The following DNAH3 variants were observed in gnomAD, a reference collection of about 807,000 sequenced individuals.
The protein encoded by DNAH3 is axonemal beta dynein heavy chain 3.
DNAH3 carries 332 observed loss-of-function variants against 432.5 expected under a neutral mutation model. The ratio of observed to expected loss-of-function variants is 0.77; its 90% CI spans 0.70 to 0.84. The LOEUF (loss-of-function observed/expected upper bound fraction) is 0.84, where lower values mean the gene tolerates loss of function less well. DNAH3 is among the 40% of genes least tolerant of loss of function. The pLI, the probability that DNAH3 is intolerant of heterozygous loss-of-function variation, is 0.00. For missense variants in DNAH3, 4,861 were observed against 5,114.0 expected (o/e 0.95, Z 1.51); for synonymous variants, 1,956 against 1,900.2 (o/e 1.03, Z -0.76).
At chr16:20,995,635 CTCTT>C (rs1275471882) in intron 44 of DNAH3, among the ~76,000 whole-genome samples, 1 of 152,112 alleles carries the variant, frequency 6.6e-6, no homozygotes, top group African/African-American at 2.4e-5. Context: ...TTCCCTCTCT[CTCTT>C]TTATTTGGAC....
At chr16:21,111,689 G>C (rs773271056) in exon 14 of DNAH3, 6 of 1,613,878 alleles carry the variant, frequency 3.7e-6, no homozygotes, top group Non-Finnish European at 5.1e-6. Context: ...AAGATTTTGA[G>C]CTCGCTCACA....
intron 31 of DNAH3, 21 bp downstream of exon 31, chr16:21,049,548 G>C (rs750052949): frequency 2.2e-5 from 35 of 1,603,602 alleles, no homozygotes; most frequent in Non-Finnish European, 2.9e-5. Context: ...TCTTTGTTCT[G>C]CAGCCTAGAG....
intron 15 of DNAH3, among the ~76,000 whole-genome samples, chr16:21,106,176 CT>C (rs1242874729): frequency 1.2e-4 from 12 of 99,584 alleles, no homozygotes; most frequent in East Asian, 9.3e-4. Flanking sequence ...GAGACTCCAT[CT>C]AAAAAAAAAA....
chr16:20,979,222 C>T, intron 50 of DNAH3, 108 bp downstream of exon 50: 1 of 958,298 alleles, frequency 1.0e-6, no homozygotes, highest in South Asian at 1.5e-5. Flanking sequence ...TGCAGGGTCA[C>T]ATTCTGCTTG....
chr16:21,035,937 T>C (rs992655802), intron 35 of DNAH3, among the ~76,000 whole-genome samples: 4 of 152,080 alleles, frequency 2.6e-5, no homozygotes, highest in African/African-American at 9.7e-5. Flanking sequence ...ACGGAGATGG[T>C]GGAGTTGATA....
At chr16:21,135,191 G>A (rs574781865) in intron 6 of DNAH3, among the ~76,000 whole-genome samples, 1 of 152,220 alleles carries the variant, frequency 6.6e-6, no homozygotes, top group African/African-American at 2.4e-5. Flanking sequence ...TCTAGTATCA[G>A]GCAGGACAAT....
intron 24 of DNAH3, among the ~76,000 whole-genome samples, chr16:21,066,022 T>G (rs960715837): frequency 3.9e-5 from 6 of 152,088 alleles, no homozygotes; most frequent in African/African-American, 1.4e-4. Context: ...AGGCGGGGTT[T>G]CAACATGTTG....
At chr16:20,947,888 G>A (rs2084122508) in intron 57 of DNAH3, among the ~76,000 whole-genome samples, 1 of 152,062 alleles carries the variant, frequency 6.6e-6, no homozygotes, top group African/African-American at 2.4e-5. Flanking sequence ...CAATTCCCCT[G>A]CCTCAGCCTC....
chr16:21,086,806 C>G (rs2091388900), intron 19 of DNAH3, 43 bp downstream of exon 19: 3 of 1,569,592 alleles, frequency 1.9e-6, no homozygotes, highest in Admixed American at 3.3e-5. Flanking sequence ...CAGGGCCAGG[C>G]CTGGGCTGCG....
chr16:20,937,704 T>A (rs1275843795), intron 59 of DNAH3, among the ~76,000 whole-genome samples: 1 of 151,806 alleles, frequency 6.6e-6, no homozygotes, highest in Non-Finnish European at 1.5e-5. Flanking sequence ...GATTTTTTTT[T>A]AAGTAGAGAC....
rs34186982 is a variant in DNAH3 at position 21,075,914 on chromosome 16, C to CAAAAAA, written c.2970-359_2970-354dup. ...CTGGAAAACAGAGTAAACCCTGTCT[C>CAAAAAA]AAAAAAAAAAAAAAAAAAAAAAAAA... is the stretch of plus-strand genomic sequence containing the variant. On this transcript the variant is annotated intron_variant, in intron 20 of 61. Transcript: ENST00000261383. Among the ~76,000 whole-genome samples, 224 of 52,682 alleles carry CAAAAAA rather than the reference C, an allele frequency of 4.3e-3. 10 individuals are homozygous for CAAAAAA. Among genetic ancestry groups the CAAAAAA allele is most frequent in the African/African-American group, 0.018 (219 of 12,290 alleles). 34.6% of individuals were successfully genotyped at this position (52,682 alleles called of 152,430 possible).
chr16:21,052,692 T>C (rs1019512241), intron 28 of DNAH3, among the ~76,000 whole-genome samples: 9 of 152,222 alleles, frequency 5.9e-5, no homozygotes, highest in African/African-American at 1.9e-4. Flanking sequence ...GAAAATGTTA[T>C]ACAGGTATTA....
rs372421050 is a variant in DNAH3, at chr16:20,935,488, G to A, written c.11860-3C>T. The A allele has an allele frequency of 3.5e-4, 561 of 1,609,336 alleles. 1 individual carries two copies. Among genetic ancestry groups the A allele is most frequent in the Admixed American group, 2.8e-3 (161 of 58,384 alleles). ...GGGGGCCCCTTGTCAATCCATTCCT[G>A]GAGAGCCACAGAAATCAAGATTCAA... On this transcript the variant is annotated splice_region_variant and splice_polypyrimidine_tract_variant and intron_variant, in intron 60 of 61. Coordinates refer to ENST00000261383, the Ensembl canonical transcript of DNAH3.
exon 20 of DNAH3, chr16:21,081,677 G>T: frequency 6.2e-7 from 1 of 1,613,914 alleles, no homozygotes. Flanking sequence ...GCATATTTGA[G>T]AGGCAGGTCG....
chr16:21,002,913 G>A (rs998386062), intron 42 of DNAH3, among the ~76,000 whole-genome samples, 191 bp downstream of exon 42: 1 of 152,162 alleles, frequency 6.6e-6, no homozygotes, highest in Non-Finnish European at 1.5e-5. Context: ...GTAAATTGAA[G>A]CTGAGAAAGG....
chr16:21,083,523 T>A (rs528745497), intron 19 of DNAH3, among the ~76,000 whole-genome samples: 1 of 152,356 alleles, frequency 6.6e-6, no homozygotes, highest in African/African-American at 2.4e-5. Context: ...GTGGCTTCCA[T>A]TTCGTTTGAA....
chr16:21,004,631 G>T (rs2087189453), intron 41 of DNAH3, among the ~76,000 whole-genome samples: 1 of 152,132 alleles, frequency 6.6e-6, no homozygotes, highest in African/African-American at 2.4e-5. Context: ...GCCTCCCGAA[G>T]TGCTAGGATT....
intron 41 of DNAH3, among the ~76,000 whole-genome samples, chr16:21,006,632 G>A (rs2087316845): frequency 6.6e-6 from 1 of 152,084 alleles, no homozygotes; most frequent in Non-Finnish European, 1.5e-5. Context: ...TATATAAAGG[G>A]AATCATATAA....
At chr16:20,997,290 G>A in exon 44 of DNAH3, 9 of 1,613,868 alleles carry the variant, frequency 5.6e-6, no homozygotes, top group Non-Finnish European at 7.6e-6. Context: ...TACCAGTAAT[G>A]TCATTCCTTC....
Sources: allele counts gnomAD v4.1 joint callset (sites outside exome capture counted in the v4.1 genomes callset), GRCh38; gene constraint gnomAD v4.1.1; transcripts MANE v1.5; gene names NCBI Gene and HGNC (gene_info 2026-07-23, HGNC 2026-07-21).